ABCG1: variants seen among roughly 807,000 people sequenced by gnomAD.
ABCG1 encodes the protein ATP-binding cassette sub-family G member 1.
In ABCG1, 29 loss-of-function variants were observed where a neutral mutation model predicts 69.2. That is an observed-to-expected ratio of 0.42 (90% CI 0.31 to 0.57). The LOEUF (loss-of-function observed/expected upper bound fraction) is 0.57. ABCG1 is among the 20% of genes least tolerant of loss of function. The pLI is 0.15. For missense variants in ABCG1, 718 were observed against 898.1 expected (o/e 0.80, Z 2.56); for synonymous variants, 370 against 374.8 (o/e 0.99, Z 0.15).
At chr21:42,285,499 C>T (rs1380915220) in intron 7 of ABCG1, among the ~76,000 whole-genome samples, 2 of 150,764 alleles carry the variant, frequency 1.3e-5, no homozygotes, top group Admixed American at 1.3e-4. Context: ...GAGCAAGACC[C>T]TGTATCAAAA....
At position 42,294,485 on chromosome 21, in the gene ABCG1, T is replaced by C. The variant is rs150616513; in HGVS notation, c.1654-57T>C. On this transcript the variant is annotated intron_variant, in intron 13 of 14. Coordinates refer to ENST00000398449, the MANE Select transcript of ABCG1 (RefSeq NM_016818.3). ...GAAGCTGGCGTGGGCGAGCCTCCTC[T>C]GCAGGAGGCCAGGCTGCAGGTTCTG... 1.3e-5 allele frequency: 19 copies of C among 1,420,124 alleles called. No homozygotes were observed. In the African/African-American group the frequency reaches 2.7e-4, roughly 20 times the overall value. 88.0% of individuals were successfully genotyped at this position (1,420,124 alleles called of 1,614,324 possible).
At chr21:42,207,598 T>C (rs1351899346) in intron 2 of ABCG1, among the ~76,000 whole-genome samples, 1 of 152,272 alleles carries the variant, frequency 6.6e-6, no homozygotes, top group Non-Finnish European at 1.5e-5. Flanking sequence ...CATCCATTAA[T>C]TGGCTTCTCT....
At chr21:42,282,152 C>T (rs955104802) in intron 5 of ABCG1, 122 bp from the exon 6 acceptor site, 38 of 1,385,634 alleles carry the variant, frequency 2.7e-5, no homozygotes, top group South Asian at 4.2e-5. Context: ...GTGGCCTCCA[C>T]GTGGGCCAGG....
chr21:42,243,489 T>TGCGC (rs201442711), intron 2 of ABCG1, among the ~76,000 whole-genome samples: 12 of 139,784 alleles, frequency 8.6e-5, no homozygotes, highest in African/African-American at 2.6e-4. Flanking sequence ...TGTGTGTGTG[T>TGCGC]GCGCTGGTTT....
chr21:42,278,723 C>T (rs1469080255), intron 5 of ABCG1, among the ~76,000 whole-genome samples: 7 of 152,150 alleles, frequency 4.6e-5, no homozygotes, highest in East Asian at 1.9e-4. Flanking sequence ...ACGTAACAAA[C>T]GAGAGCCTTA....
chr21:42,248,740 A>T lies in ABCG1; in HGVS notation c.287-22330A>T, dbSNP rs567317457. ...CTGCCTCTGCAAAATAAAAAAATTT[A>T]AAAAATTAAAAAAAAAAACACCTGG... is the stretch of plus-strand genomic sequence containing the variant. On this transcript the variant is annotated intron_variant, in intron 2 of 14. Transcript: ENST00000398449. Among the ~76,000 whole-genome samples, 23 of 139,036 alleles carry T rather than the reference A, an allele frequency of 1.7e-4. No homozygotes were observed. The East Asian group carries it at 3.1e-3, about 19-fold the overall frequency. 91.2% of individuals were successfully genotyped at this position (139,036 alleles called of 152,430 possible).
chr21:42,256,368 C>T (rs2068305013), intron 2 of ABCG1: 1 of 1,550,236 alleles, frequency 6.5e-7, no homozygotes, highest in African/African-American at 1.4e-5. Flanking sequence ...AGAGGTTGGT[C>T]TGTCTGTACC....
intron 5 of ABCG1, among the ~76,000 whole-genome samples, chr21:42,278,902 G>A (rs1434653323): frequency 1.3e-5 from 2 of 151,974 alleles, no homozygotes; most frequent in Admixed American, 1.3e-4. Context: ...CCAGTCCTGG[G>A]CCCTCCTTGC....
rs924442834 is a variant in ABCG1, at chr21:42,258,478, C to T, written c.287-12592C>T. The stretch of plus-strand genomic sequence containing the variant: ...CCTTCCTCCATCCCTCAATGCATCC[C>T]TCTCTCCATCCAGAGTTCACCACAC... On this transcript the variant is annotated intron_variant, in intron 2 of 14. Transcript: ENST00000398449. Among the ~76,000 whole-genome samples the T allele has an allele frequency of 9.2e-5, 14 of 151,904 alleles. No homozygotes were observed. In the East Asian group the frequency reaches 2.5e-3, roughly 27 times the overall value.
At chr21:42,215,898 T>C (rs2067634405), upstream of ABCG1, among the ~76,000 whole-genome samples, 2 of 152,136 alleles carry the variant, frequency 1.3e-5, no homozygotes, top group African/African-American at 4.8e-5. Flanking sequence ...ATGGAGTGGG[T>C]TGCCAGTTGA....
At chr21:42,254,532 T>A (rs1461537688) in intron 2 of ABCG1, among the ~76,000 whole-genome samples, 2 of 152,230 alleles carry the variant, frequency 1.3e-5, no homozygotes, top group Non-Finnish European at 2.9e-5. Context: ...TTCCCAGACC[T>A]TCTTCCTGTT....
intron 2 of ABCG1, among the ~76,000 whole-genome samples, chr21:42,207,654 T>C (rs2067553704): frequency 6.6e-6 from 1 of 152,242 alleles, no homozygotes; most frequent in Non-Finnish European, 1.5e-5. Context: ...GCCACCTTAC[T>C]ACCAGGCAAG....
In ABCG1 at chr21:42,262,698, A is replaced by G. The variant is rs1601409545; in HGVS notation, c.287-8372A>G. On this transcript the variant is annotated intron_variant, in intron 2 of 14. Coordinates refer to ENST00000398449, the MANE Select transcript of ABCG1 (RefSeq NM_016818.3). ...CAAAGGCACTCTTGGCCCCGGGTGC[A>G]AGAGCCGCCTCCGGGTTTGGCAGAA... Among the ~76,000 whole-genome samples the G allele has an allele frequency of 2.0e-5, 3 of 152,352 alleles. No homozygotes were observed. The East Asian group carries it at 5.8e-4, about 29-fold the overall frequency.
chr21:42,223,141 C>T (rs926932145), intron 1 of ABCG1, among the ~76,000 whole-genome samples: 6 of 152,212 alleles, frequency 3.9e-5, no homozygotes, highest in African/African-American at 7.2e-5. Context: ...TCTCCTGCCC[C>T]GACCCTACCA....
intron 6 of ABCG1, among the ~76,000 whole-genome samples, chr21:42,283,651 T>TA (rs1459211361): frequency 5.3e-4 from 76 of 143,690 alleles, no homozygotes; most frequent in Admixed American, 4.3e-3. Context: ...AGTTGTGAAG[T>TA]CCCCCCCCAC....
At chr21:42,291,000 C>A in intron 11 of ABCG1, 92 bp from the exon 12 acceptor site, 1 of 931,322 alleles carries the variant, frequency 1.1e-6, no homozygotes, top group Non-Finnish European at 1.7e-6. Context: ...GCTGGGTTAC[C>A]AGCCGCTCAG....
At chr21:42,279,864 C>T (rs4148128) in intron 5 of ABCG1, among the ~76,000 whole-genome samples, 28,087 of 152,194 alleles carry the variant, frequency 0.18, 2,739 homozygotes, top group South Asian at 0.3. Context: ...AGTAGCTACA[C>T]GGGACCCGAA....
At chr21:42,269,260 G>A (rs943720709) in intron 2 of ABCG1, among the ~76,000 whole-genome samples, 3 of 152,166 alleles carry the variant, frequency 2.0e-5, no homozygotes, top group Non-Finnish European at 4.4e-5. Flanking sequence ...GTGGGTCCCC[G>A]GGGGCCTGGG....
At chr21:42,243,818 T>G (rs1293805015) in intron 2 of ABCG1, among the ~76,000 whole-genome samples, 1 of 137,686 alleles carries the variant, frequency 7.3e-6, no homozygotes, top group African/African-American at 2.7e-5. Context: ...CTTTGGCTTT[T>G]TTTTTTTTTT....
Sources: gnomAD v4.1 joint callset for allele counts (sites outside exome capture counted in the v4.1 genomes callset) on GRCh38, gnomAD v4.1.1 for gene constraint, MANE v1.5 for transcripts, NCBI Gene and HGNC (gene_info 2026-07-23, HGNC 2026-07-21) for gene names.